SHC2: variants seen among roughly 807,000 people sequenced by gnomAD.
SHC2 encodes the protein SHC-transforming protein 2.
SHC2 carries 62 observed loss-of-function variants against 60.6 expected under a neutral mutation model. The ratio of observed to expected loss-of-function variants is 1.02; its 90% CI spans 0.83 to 1.26. The LOEUF (loss-of-function observed/expected upper bound fraction) is 1.26. Among genes scored for constraint, SHC2 ranks in the 50% most tolerant of loss-of-function variants. The pLI, the probability that SHC2 is intolerant of heterozygous loss-of-function variation, is 0.00. For missense variants in SHC2, 873 were observed against 822.2 expected (o/e 1.06, Z -0.76); for synonymous variants, 375 against 372.4 (o/e 1.01, Z -0.08).
In SHC2 at chr19:422,461, A is replaced by C; in HGVS notation, c.1310-5T>G. On this transcript the variant is annotated splice_region_variant and splice_polypyrimidine_tract_variant and intron_variant, in intron 10 of 12. Transcript: ENST00000264554. The surrounding 1 kb of genome is among the most constrained non-coding windows in gnomAD (Gnocchi z 5.0). Reference sequence around the variant, plus strand: ...TCAGGGCATCCTCAAAGGGTCCTGCAGGCCAGGGACAGGAGTGCTGGGCAG... The same window carrying C: ...TCAGGGCATCCTCAAAGGGTCCTGCCGGCCAGGGACAGGAGTGCTGGGCAG... 1 of 1,531,178 alleles carries C rather than the reference A, an allele frequency of 6.5e-7. No homozygotes were observed. Among genetic ancestry groups the C allele is most frequent in the Non-Finnish European group, 8.8e-7 (1 of 1,136,634 alleles). 94.8% of individuals were successfully genotyped at this position (1,531,178 alleles called of 1,614,324 possible).
intron 1 of SHC2, among the ~76,000 whole-genome samples, chr19:459,072 G>C (rs1975468861): frequency 6.6e-6 from 1 of 152,114 alleles, no homozygotes; most frequent in Non-Finnish European, 1.5e-5. Flanking sequence ...CCCTGATCCA[G>C]GTAGGCCTCA....
At position 417,770 on chromosome 19, in the gene SHC2, AG is replaced by A. The variant is rs557166193; in HGVS notation, c.*6-449del. Among the ~76,000 whole-genome samples the A allele has an allele frequency of 1.9e-4, 29 of 152,084 alleles. 1 individual carries two copies. The highest frequency in any genetic ancestry group is 7.0e-4 in the African/African-American group (29 of 41,474). On this transcript the variant is annotated intron_variant, in intron 12 of 12. Coordinates refer to ENST00000264554, the MANE Select transcript of SHC2 (RefSeq NM_012435.3). ...CAGGCAGTTTCAGGTGCTTTACAGG[AG>A]CCCCTGCCATACCCGGAGCCCCCTC...
intron 9 of SHC2, among the ~76,000 whole-genome samples, chr19:426,994 G>C (rs998022983): frequency 6.6e-6 from 1 of 152,188 alleles, no homozygotes; most frequent in Non-Finnish European, 1.5e-5. Context: ...AGTGAGAACA[G>C]CCCGGGTGTG....
chr19:455,901 G>A (rs1975331253), intron 1 of SHC2, among the ~76,000 whole-genome samples: 1 of 152,068 alleles, frequency 6.6e-6, no homozygotes, highest in African/African-American at 2.4e-5. Flanking sequence ...TGCTCACTCG[G>A]TCCCACCTGC....
intron 8 of SHC2, 46 bp downstream of exon 8, chr19:434,663 C>T (rs776763238): frequency 6.8e-7 from 1 of 1,476,168 alleles, no homozygotes; most frequent in Admixed American, 2.2e-5. Context: ...AGGGAACCAG[C>T]AGCTGGGGCA....
intron 11 of SHC2, among the ~76,000 whole-genome samples, chr19:421,387 G>A (rs538328221): frequency 9.5e-4 from 130 of 136,916 alleles, no homozygotes; most frequent in Non-Finnish European, 1.5e-3. Context: ...GCAACAGTGC[G>A]AGACTCCATC....
intron 11 of SHC2, among the ~76,000 whole-genome samples, chr19:420,472 T>C (rs1002772626): frequency 1.3e-5 from 2 of 152,216 alleles, no homozygotes; most frequent in African/African-American, 4.8e-5. Flanking sequence ...GGAAATAACC[T>C]GTGCAGCCCT....
At chr19:459,112 T>C (rs112918079) in intron 1 of SHC2, among the ~76,000 whole-genome samples, 14,524 of 151,668 alleles carry the variant, frequency 0.096, 866 homozygotes, top group Middle Eastern at 0.21. Flanking sequence ...GCAAGGACCC[T>C]GTTCCCAATA....
At position 425,191 on chromosome 19, in the gene SHC2, G is replaced by C. The variant is rs577341039; in HGVS notation, c.1215C>G (p.Gly405=). The change falls in exon 10 of 13, where the codon GGC becomes GGG. Residue 405 remains glycine, a synonymous_variant. Coordinates refer to ENST00000264554, the MANE Select transcript of SHC2 (RefSeq NM_012435.3). This position sits in a 1 kb window ranked among gnomAD's most constrained non-coding sequence, Gnocchi z 4.1. ...GDGYVQADAR[G]PPDHEEHLYV... ...ACAGGTGCTCCTCGTGGTCCGGGGG[G>C]CCCCGGGCGTCCGCCTGCACGTAGC... is the stretch of plus-strand genomic sequence containing the variant. 1.6e-5 allele frequency: 22 copies of C among 1,345,436 alleles called. No homozygotes were observed. The South Asian group carries it at 4.6e-4, about 28-fold the overall frequency. The allele number at this position is 1,345,436 out of a possible 1,614,324, so 83.3% of individuals were successfully genotyped here.
At chr19:459,327 A>C (rs960049338) in intron 1 of SHC2, among the ~76,000 whole-genome samples, 3 of 127,744 alleles carry the variant, frequency 2.3e-5, no homozygotes. Context: ...CACTGAACCC[A>C]GCGTAGGGGG....
chr19:447,533 C>A (rs997981690), intron 1 of SHC2, among the ~76,000 whole-genome samples: 11 of 152,252 alleles, frequency 7.2e-5, no homozygotes, highest in Non-Finnish European at 1.0e-4. Flanking sequence ...AATCCCAGCA[C>A]TTTGGGAGGC....
In SHC2 at chr19:424,968, C is replaced by G. The variant is rs1974372577; in HGVS notation, c.1309+129G>C. The stretch of plus-strand genomic sequence containing the variant: ...CGTCCCACCCGTCGACTTGAAGGAT[C>G]TCACGGGGAGAAGGGAGCCTCCCCC... On this transcript the variant is annotated intron_variant, in intron 10 of 12. Transcript: ENST00000264554. The surrounding 1 kb of genome is among the most constrained non-coding windows in gnomAD (Gnocchi z 4.5). 2 of 1,058,330 alleles carry G rather than the reference C, an allele frequency of 1.9e-6. No homozygotes were observed. Among genetic ancestry groups the G allele is most frequent in the African/African-American group, 3.3e-5 (2 of 61,436 alleles). The allele number at this position is 1,058,330 out of a possible 1,614,324, so 65.6% of individuals were successfully genotyped here.
At chr19:450,441 C>T (rs1458530105) in intron 1 of SHC2, among the ~76,000 whole-genome samples, 1 of 152,220 alleles carries the variant, frequency 6.6e-6, no homozygotes, top group Non-Finnish European at 1.5e-5. Context: ...GCCACCACCA[C>T]CGTCTCTCCA....
chr19:439,048 G>T lies in SHC2; in HGVS notation c.540-18C>A. On this transcript the variant is annotated intron_variant, in intron 2 of 12. Coordinates refer to ENST00000264554, the MANE Select transcript of SHC2 (RefSeq NM_012435.3). ...TGGCTTCCCTGGGGTTGGGAGGAGG[G>T]GGCTTAGAGAGTGTGGTGGGGGTGG... is the stretch of plus-strand genomic sequence containing the variant. 1 of 1,572,050 alleles carries T rather than the reference G, an allele frequency of 6.4e-7. No individual in the cohort carries two copies. The highest frequency in any genetic ancestry group is 2.3e-5 in the East Asian group (1 of 43,026).
Position 460,694 on chromosome 19 carries a change from G to C in SHC2, c.303C>G (p.Gly101=), listed in dbSNP as rs1379730457. 5 of 1,023,826 alleles carry C rather than the reference G, an allele frequency of 4.9e-6. No individual in the cohort carries two copies. The highest frequency in any genetic ancestry group is 5.8e-6 in the Non-Finnish European group (5 of 859,582). 63.4% of individuals were successfully genotyped at this position (1,023,826 alleles called of 1,614,324 possible). The change falls in exon 1 of 13, where the codon GGC becomes GGG. Residue 101 remains glycine (G), a synonymous_variant. Coordinates refer to ENST00000264554, the MANE Select transcript of SHC2 (RefSeq NM_012435.3). ...CGCCCCGCGACCCCCGCGACCCCGC[G>C]CCCCGACAGCGGCTGAGCGCGGGCA... is the stretch of plus-strand genomic sequence containing the variant. ...CPLPALSRCR[G]AGSRGSRGGR...
Position 460,617 on chromosome 19 carries a change from C to T in SHC2, c.380G>A (p.Arg127Gln). ...GGGTTTGTGGATGAAGCTGCCCTTC[C>T]GGATCCACTCGGCGGCGGCGGCGGC... ...GDAAAAAEWI[R>Q]KGSFIHKPAH... Residue 127 changes from arginine to glutamine, a missense_variant, in exon 1 of 13, where the codon CGG becomes CAG. Transcript: ENST00000264554. The T allele has an allele frequency of 2.2e-6, 3 of 1,343,550 alleles. No homozygotes were observed. Among genetic ancestry groups the T allele is most frequent in the Non-Finnish European group, 2.9e-6 (3 of 1,039,340 alleles). The allele number at this position is 1,343,550 out of a possible 1,614,324, so 83.2% of individuals were successfully genotyped here. A position where few individuals can be genotyped will look rare whatever the true frequency, so the allele number is the denominator to read the frequency against.
Position 441,023 on chromosome 19 carries a change from C to T in SHC2, c.469-91G>A. On this transcript the variant is annotated intron_variant, in intron 1 of 12. Transcript: ENST00000264554. This position sits in a 1 kb window ranked among gnomAD's most constrained non-coding sequence, Gnocchi z 4.9. ...CAGCAGCCCTTCGCCGCCTCCACCACCCCTGGGGTCGAGCCCTTTCCTCTG... is the reference window on the plus strand; with the variant it reads ...CAGCAGCCCTTCGCCGCCTCCACCATCCCTGGGGTCGAGCCCTTTCCTCTG... 6.5e-7 allele frequency: 1 copy of T among 1,537,776 alleles called. No individual in the cohort carries two copies. Among genetic ancestry groups the T allele is most frequent in the Non-Finnish European group, 8.9e-7 (1 of 1,118,590 alleles).
rs545364730 is a variant in SHC2, at chr19:418,914, G to A, written c.*5+9C>T. ...GCAAGGCCAGCGACCCACGGCGGCAGCCACACACCTGGCTCAGGGCTCCCG... is the reference window on the plus strand; with the variant it reads ...GCAAGGCCAGCGACCCACGGCGGCAACCACACACCTGGCTCAGGGCTCCCG... On this transcript the variant is annotated intron_variant, in intron 12 of 12. Coordinates refer to ENST00000264554, the MANE Select transcript of SHC2 (RefSeq NM_012435.3). 5 of 1,579,550 alleles carry A rather than the reference G, an allele frequency of 3.2e-6. No homozygotes were observed. In the African/African-American group the frequency reaches 6.7e-5, roughly 21 times the overall value.
chr19:422,162 A>G lies in SHC2; in HGVS notation c.1604T>C (p.Val535Ala). 1 of 1,610,262 alleles carries G rather than the reference A, an allele frequency of 6.2e-7. No individual in the cohort carries two copies. Among genetic ancestry groups the G allele is most frequent in the Non-Finnish European group, 8.5e-7 (1 of 1,178,288 alleles). ...HAGQPKHLLL[V>A]DPEGVVRTKD... ...ACAGCTTACCACGCCCTCGGGGTCC[A>G]CGAGCAGCAGGTGCTTGGGCTGCCC... The change falls in exon 11 of 13, where the codon GTG becomes GCG. Residue 535 changes from valine to alanine, a missense_variant. Val to Ala is a moderately conservative substitution (Grantham distance 64, BLOSUM62 0). Coordinates refer to ENST00000264554, the MANE Select transcript of SHC2 (RefSeq NM_012435.3). The surrounding 1 kb of genome is among the most constrained non-coding windows in gnomAD (Gnocchi z 5.0).
Sources: gnomAD v4.1 joint callset for allele counts (sites outside exome capture counted in the v4.1 genomes callset) on GRCh38, gnomAD v4.1.1 for gene constraint, Gnocchi (gnomAD v3.1) non-coding constraint, MANE v1.5 for transcripts, NCBI Gene and HGNC (gene_info 2026-07-23, HGNC 2026-07-21) for gene names.